GPC6: variants seen among roughly 807,000 people sequenced by gnomAD.
The protein encoded by GPC6 is glypican 6.
GPC6 carries 14 observed loss-of-function variants against 55.2 expected under a neutral mutation model. That is an observed-to-expected ratio of 0.25 (90% CI 0.17 to 0.40). GPC6 has a LOEUF of 0.40. GPC6 is among the 10% of genes least tolerant of loss of function. The pLI, the probability that GPC6 is intolerant of heterozygous loss-of-function variation, is 1.00. For synonymous variants in GPC6, 278 were observed against 259.6 expected (o/e 1.07, Z -0.68); for missense variants, 641 against 708.5 (o/e 0.90, Z 1.08).
chr13:93,599,068 C>G (rs16949024), intron 2 of GPC6, among the ~76,000 whole-genome samples: 9,247 of 152,138 alleles, frequency 0.061, 945 homozygotes, highest in African/African-American at 0.21. Flanking sequence ...TGCAAAGAAT[C>G]ATCATGAGAA....
chr13:94,004,100 C>T (rs1881919242), intron 3 of GPC6, among the ~76,000 whole-genome samples: 1 of 152,084 alleles, frequency 6.6e-6, no homozygotes, highest in African/African-American at 2.4e-5. Flanking sequence ...CATTCCAGTA[C>T]TTTCATAGAG....
rs141519279 is a variant in GPC6 at position 93,244,211 on chromosome 13, C to T, written c.160+16595C>T. ...GCAGCAGGTGGCAATGAGACCCACC[C>T]AGCTCCCATGCCTTTGACAAGGCAG... On this transcript the variant is annotated intron_variant, in intron 1 of 8. Transcript: ENST00000377047. Among the ~76,000 whole-genome samples, 553 of 152,296 alleles carry T rather than the reference C, an allele frequency of 3.6e-3. 1 individual carries two copies. Among genetic ancestry groups the T allele is most frequent in the African/African-American group, 0.013 (528 of 41,560 alleles).
intron 1 of GPC6, among the ~76,000 whole-genome samples, chr13:93,317,835 C>T (rs976171465): frequency 2.6e-5 from 4 of 152,006 alleles, no homozygotes; most frequent in African/African-American, 9.7e-5. Context: ...TTTGGAATTT[C>T]TTTTGTCTGT....
intron 5 of GPC6, among the ~76,000 whole-genome samples, chr13:94,303,064 G>A (rs973438175): frequency 3.3e-5 from 5 of 152,352 alleles, no homozygotes; most frequent in African/African-American, 9.6e-5. Flanking sequence ...GTCAGCAGTG[G>A]GTCTGCAACG....
At chr13:93,966,855 A>C (rs9589874) in intron 3 of GPC6, among the ~76,000 whole-genome samples, 1 of 151,900 alleles carries the variant, frequency 6.6e-6, no homozygotes, top group African/African-American at 2.4e-5. Flanking sequence ...GGGTCTTGCT[A>C]TGTTGCCCAG....
chr13:93,528,152 G>A (rs1201514282), intron 1 of GPC6, among the ~76,000 whole-genome samples: 2 of 152,134 alleles, frequency 1.3e-5, no homozygotes, highest in Non-Finnish European at 2.9e-5. Context: ...GCTTTGAACA[G>A]TAAATCTTAA....
At chr13:93,891,069 T>G (rs1314587492) in intron 3 of GPC6, among the ~76,000 whole-genome samples, 1 of 152,134 alleles carries the variant, frequency 6.6e-6, no homozygotes, top group Non-Finnish European at 1.5e-5. Context: ...TAAAAAGCTT[T>G]AAAACATAAA....
At chr13:94,075,378 C>T (rs990118646) in intron 4 of GPC6, among the ~76,000 whole-genome samples, 6 of 151,782 alleles carry the variant, frequency 4.0e-5, no homozygotes, top group African/African-American at 9.7e-5. Context: ...TATTTATCAC[C>T]CCCCAAAATT....
chr13:93,393,127 T>TATATATATATAGAGAGAGAGAGAG (rs1230857277), intron 1 of GPC6, among the ~76,000 whole-genome samples: 2 of 87,612 alleles, frequency 2.3e-5, no homozygotes, highest in African/African-American at 7.9e-5. Flanking sequence ...TATATATATA[T>TATATATATATAGAGAGAGAGAGAG]AGAGAGAGAG....
intron 4 of GPC6, among the ~76,000 whole-genome samples, chr13:94,041,728 A>T (rs1883542458): frequency 6.6e-6 from 1 of 151,820 alleles, no homozygotes. Flanking sequence ...TATGCATTAA[A>T]CTTGACATAT....
chr13:94,198,550 A>C (rs1889652753), intron 4 of GPC6, among the ~76,000 whole-genome samples: 1 of 152,224 alleles, frequency 6.6e-6, no homozygotes, highest in African/African-American at 2.4e-5. Context: ...CACATGAAAT[A>C]ATATAAGCTG....
intron 2 of GPC6, among the ~76,000 whole-genome samples, chr13:93,676,396 G>T (rs940377501): frequency 6.6e-6 from 1 of 151,404 alleles, no homozygotes; most frequent in Non-Finnish European, 1.5e-5. Flanking sequence ...CAGCCTGAGT[G>T]ACAGAGTGAG....
intron 3 of GPC6, among the ~76,000 whole-genome samples, chr13:93,883,437 A>G (rs546202347): frequency 2.0e-5 from 3 of 152,122 alleles, no homozygotes; most frequent in African/African-American, 7.2e-5. Context: ...CCATGCCAAC[A>G]TCTATTTTTT....
At chr13:93,852,782 G>A (rs1419586113) in intron 3 of GPC6, among the ~76,000 whole-genome samples, 2 of 151,518 alleles carry the variant, frequency 1.3e-5, no homozygotes, top group Non-Finnish European at 3.0e-5. Context: ...TCTCTTCTCT[G>A]TTGGATCTTC....
In GPC6 at chr13:94,012,593, A is replaced by G. The variant is rs555402703; in HGVS notation, c.712-15136A>G. Among the ~76,000 whole-genome samples the G allele has an allele frequency of 1.5e-4, 23 of 152,294 alleles. No individual in the cohort carries two copies. In the East Asian group the frequency reaches 3.7e-3, roughly 24 times the overall value. On this transcript the variant is annotated intron_variant, in intron 3 of 8. Coordinates refer to ENST00000377047, the MANE Select transcript of GPC6 (RefSeq NM_005708.5). The stretch of plus-strand genomic sequence containing the variant: ...CATCCAGAATTACCAAAAAACCACA[A>G]TGTGTTGTGTCCGTGCATGTTCCTG...
chr13:93,848,953 A>G (rs1293193207), intron 3 of GPC6, among the ~76,000 whole-genome samples: 1 of 152,142 alleles, frequency 6.6e-6, no homozygotes, highest in Non-Finnish European at 1.5e-5. Context: ...GAAGCTCCTT[A>G]GAGCTGAACC....
At chr13:93,405,239 G>A (rs902343994) in intron 1 of GPC6, among the ~76,000 whole-genome samples, 3 of 152,056 alleles carry the variant, frequency 2.0e-5, no homozygotes, top group African/African-American at 7.2e-5. Flanking sequence ...CAAATCCACT[G>A]TGTGGATCTA....
chr13:93,880,168 G>A (rs901704404), intron 3 of GPC6, among the ~76,000 whole-genome samples: 7 of 151,162 alleles, frequency 4.6e-5, no homozygotes, highest in African/African-American at 7.3e-5. Context: ...GATTCCTCAG[G>A]GATCTAGAAC....
chr13:93,463,745 CT>C (rs35894535), intron 1 of GPC6, among the ~76,000 whole-genome samples: 27,410 of 148,478 alleles, frequency 0.18, 2,934 homozygotes, highest in East Asian at 0.48. Context: ...AATGGCTCCA[CT>C]TTTTTTTTTT....
Sources: gnomAD v4.1 joint callset for allele counts (sites outside exome capture counted in the v4.1 genomes callset) on GRCh38, gnomAD v4.1.1 for gene constraint, MANE v1.5 for transcripts, NCBI Gene and HGNC (gene_info 2026-07-23, HGNC 2026-07-21) for gene names.